The following ACSL5 variants were observed in gnomAD, a reference collection of about 807,000 sequenced individuals.
The protein encoded by ACSL5 is acyl-CoA synthetase long chain family member 5.
A neutral mutation model predicts 84.9 loss-of-function variants in ACSL5; 50 were observed. The observed-to-expected ratio is 0.59, with a 90% CI of 0.47 to 0.75. ACSL5 has a LOEUF of 0.75. Among genes scored for constraint, ACSL5 ranks in the 30% least tolerant of loss-of-function variants. The pLI is 0.00. For missense variants in ACSL5, 775 were observed against 830.4 expected, an observed-to-expected ratio of 0.93 and a Z score of 0.82; for synonymous variants, 280 against 300.7, an observed-to-expected ratio of 0.93 and a Z score of 0.71.
At chr10:112,395,857 G>A (rs910262993) in intron 2 of ACSL5, 2 of 152,104 alleles carry the variant, frequency 1.3e-5, no homozygotes, top group African/African-American at 4.8e-5. Flanking sequence ...CTCTTTCCAG[G>A]ATAGAAGGAA....
At chr10:112,421,128 A>G (rs1382508061) in intron 14 of ACSL5, among the ~76,000 whole-genome samples, 2 of 151,938 alleles carry the variant, frequency 1.3e-5, no homozygotes, top group African/African-American at 4.8e-5. Context: ...CAGCTTGGGT[A>G]TGAGTTCAAG....
At chr10:112,391,329 C>G (rs1843631224) in intron 1 of ACSL5, among the ~76,000 whole-genome samples, 1 of 151,074 alleles carries the variant, frequency 6.6e-6, no homozygotes, top group South Asian at 2.1e-4. Context: ...GAGATCATAC[C>G]ACTGCACTCC....
At chr10:112,377,737 A>G (rs1484427365) in intron 1 of ACSL5, among the ~76,000 whole-genome samples, 1 of 152,226 alleles carries the variant, frequency 6.6e-6, no homozygotes, top group Non-Finnish European at 1.5e-5. Flanking sequence ...TTTTATAGCC[A>G]TCTTTTGTGT....
intron 1 of ACSL5, among the ~76,000 whole-genome samples, chr10:112,384,483 T>G (rs1849411328): frequency 6.6e-6 from 1 of 152,142 alleles, no homozygotes; most frequent in Non-Finnish European, 1.5e-5. Context: ...CATCTGTCTT[T>G]TTCTTGTTTT....
In ACSL5 at chr10:112,416,951, T is replaced by C. The variant is rs1589695442; in HGVS notation, c.1147T>C (p.Phe383Leu). 6.2e-7 allele frequency: 1 copy of C among 1,614,022 alleles called. No homozygotes were observed. The highest frequency in any genetic ancestry group is 2.2e-5 in the East Asian group (1 of 44,872). Residue 383 changes from phenylalanine to leucine, a missense_variant, in exon 13 of 21, where the codon TTC (phenylalanine) becomes CTC (leucine). Physicochemically the swap from Phe to Leu is conservative, Grantham distance 22. Coordinates refer to ENST00000354655, the MANE Select transcript of ACSL5 (RefSeq NM_203379.2). ...GTTGAAGCTGGCTGTTTCCAGTAAA[T>C]TCAAAGAGCTTCAAAAGGGTATCAT... ...FLLKLAVSSK[F>L]KELQKGIIRH...
intron 17 of ACSL5, among the ~76,000 whole-genome samples, chr10:112,422,992 T>C (rs1477453682): frequency 6.8e-6 from 1 of 146,914 alleles, no homozygotes. Context: ...ATCGAGACCA[T>C]CCTGGCTAAC....
At chr10:112,375,064 A>AT (rs11368853) in intron 1 of ACSL5, among the ~76,000 whole-genome samples, 26,940 of 138,938 alleles carry the variant, frequency 0.19, 2,794 homozygotes, top group African/African-American at 0.29. Context: ...AAAAAAAAAG[A>AT]AATAAAACCT....
At chr10:112,424,840 A>T (rs1008270347) in intron 17 of ACSL5, 1 of 152,342 alleles carries the variant, frequency 6.6e-6, no homozygotes, top group African/African-American at 2.4e-5. Context: ...TGTCCTAACA[A>T]GCCCAGTAAT....
chr10:112,400,406 C>CTTTTTTTTTTTTTTTT (rs573644087), intron 3 of ACSL5, among the ~76,000 whole-genome samples: 157 of 98,834 alleles, frequency 1.6e-3, no homozygotes, highest in African/African-American at 1.9e-3. Flanking sequence ...TTTTTCTTTT[C>CTTTTTTTTTTTTTTTT]TTTTTTTTTT....
chr10:112,413,992 G>T lies in ACSL5; in HGVS notation c.1083+685G>T, dbSNP rs183980001. On this transcript the variant is annotated intron_variant, in intron 12 of 20. Coordinates refer to ENST00000354655, the MANE Select transcript of ACSL5 (RefSeq NM_203379.2). ...CCTATTATTTCTAACTTATGATGAG[G>T]AAAATGAGCCTCAGAGGTTAAATAA... 3.3e-5 allele frequency among the ~76,000 whole-genome samples: 5 copies of T among 152,170 alleles called. No homozygotes were observed. The East Asian group carries it at 9.7e-4, about 29-fold the overall frequency.
At chr10:112,388,732 G>A (rs1849501739) in intron 1 of ACSL5, among the ~76,000 whole-genome samples, 1 of 152,168 alleles carries the variant, frequency 6.6e-6, no homozygotes, top group Non-Finnish European at 1.5e-5. Flanking sequence ...GTGTCATGGA[G>A]AAGAGAACAA....
intron 17 of ACSL5, 130 bp downstream of exon 17, chr10:112,422,571 C>T (rs952685643): frequency 1.3e-6 from 1 of 794,018 alleles, no homozygotes; most frequent in Non-Finnish European, 2.1e-6. Flanking sequence ...TAGGTTTGTA[C>T]CCTACCTGGC....
At position 112,417,585 on chromosome 10, in the gene ACSL5, G is replaced by A. The variant is rs376000287; in HGVS notation, c.1219-261G>A. ...GGTCTGTTGAGATTATAAGCAATTT[G>A]AGGGGCTGAAGAATACAAATTATTT... On this transcript the variant is annotated intron_variant, in intron 13 of 20. Transcript: ENST00000354655. Among the ~76,000 whole-genome samples, 19 of 152,034 alleles carry A rather than the reference G, an allele frequency of 1.2e-4. 2 individuals are homozygous for A. The South Asian group carries it at 4.0e-3, about 32-fold the overall frequency.
intron 1 of ACSL5, among the ~76,000 whole-genome samples, chr10:112,392,989 G>A (rs1353438319): frequency 1.3e-5 from 2 of 152,098 alleles, no homozygotes; most frequent in African/African-American, 4.8e-5. Flanking sequence ...CAGACTGGAT[G>A]GGAGAGCACA....
chr10:112,426,904 T>A (rs1844745966), intron 20 of ACSL5, 45 bp downstream of exon 20: 4 of 1,495,884 alleles, frequency 2.7e-6, no homozygotes, highest in Middle Eastern at 1.7e-4. Context: ...GTCAGAAAGT[T>A]TTGTTTAAAG....
In ACSL5 at chr10:112,413,301, C is replaced by T. The variant is rs767374683; in HGVS notation, c.1077C>T (p.Tyr359=). The part of the protein sequence containing the change: ...PAVPRLLNRI[Y]DKVQNEAKTP... ...TGCCTCGACTCCTTAACAGGATCTA[C>T]GATAAGGTACTAACTTTCAGCTGAA... is the stretch of plus-strand genomic sequence containing the variant. The change falls in exon 12 of 21, where the codon TAC becomes TAT. Residue 359 remains tyrosine, a synonymous_variant. Transcript: ENST00000354655. The T allele has an allele frequency of 4.6e-5, 75 of 1,613,904 alleles. No homozygotes were observed. In the Middle Eastern group the frequency reaches 6.6e-4, roughly 14 times the overall value.
At chr10:112,376,126 A>G in intron 1 of ACSL5, 1 of 789,122 alleles carries the variant, frequency 1.3e-6, no homozygotes, top group South Asian at 2.1e-5. Flanking sequence ...TTTGACACGG[A>G]GCCAGGGTAG....
chr10:112,414,148 G>A (rs1239648104), intron 12 of ACSL5, among the ~76,000 whole-genome samples: 1 of 152,012 alleles, frequency 6.6e-6, no homozygotes, highest in African/African-American at 2.4e-5. Context: ...TTACAGAATG[G>A]TGATTTCTGT....
rs1033024316 is a variant in ACSL5, at chr10:112,413,043, A to G, written c.949-130A>G. 4.9e-5 allele frequency: 48 copies of G among 971,478 alleles called. No individual in the cohort carries two copies. The African/African-American group carries it at 7.5e-4, about 15-fold the overall frequency. The allele number at this position is 971,478 out of a possible 1,614,324, so 60.2% of individuals were successfully genotyped here. ...TCTGTGTGCCTCAGCCCACTTCCCA[A>G]ATTCCTTCCAAGACAGGTCCCCACT... is the stretch of plus-strand genomic sequence containing the variant. On this transcript the variant is annotated intron_variant, in intron 11 of 20. Transcript: ENST00000354655.
Sources: allele counts gnomAD v4.1 joint callset (sites outside exome capture counted in the v4.1 genomes callset), GRCh38; gene constraint gnomAD v4.1.1; transcripts MANE v1.5; gene names NCBI Gene and HGNC (gene_info 2026-07-23, HGNC 2026-07-21).